The following DOCK7 variants were observed in gnomAD, a reference collection of about 807,000 sequenced individuals.
The protein encoded by DOCK7 is dedicator of cytokinesis protein 7.
A neutral mutation model predicts 271.0 loss-of-function variants in DOCK7; 138 were observed. That is an observed-to-expected ratio of 0.51 (90% confidence interval 0.44 to 0.59). DOCK7 has a LOEUF of 0.59. DOCK7 is among the 20% of genes least tolerant of loss of function. The pLI, the probability that DOCK7 is intolerant of heterozygous loss-of-function variation, is 0.00. For synonymous variants in DOCK7, 823 were observed against 876.1 expected (o/e 0.94, Z 1.07); for missense variants, 2,066 against 2,592.4 (o/e 0.80, Z 4.41).
rs527302066 is a variant in DOCK7, at chr1:62,492,529, C to A, written c.5361+175G>T. On this transcript the variant is annotated intron_variant, in intron 41 of 49. Transcript: ENST00000635253. ...TCTTGAACTCCTGGATTCAAGCAAT[C>A]CTCCCGTCTTAGCCTCTCAAAGTGC... is the stretch of plus-strand genomic sequence containing the variant. 145 of 651,898 alleles carry A rather than the reference C, an allele frequency of 2.2e-4. 1 individual carries two copies. The highest frequency in any genetic ancestry group is 2.2e-3 in the South Asian group (110 of 49,582). The allele number at this position is 651,898 out of a possible 1,614,324, so 40.4% of individuals were successfully genotyped here. A position where few individuals can be genotyped will look rare whatever the true frequency, so the allele number is the denominator to read the frequency against.
chr1:62,618,766 G>A lies in DOCK7; in HGVS notation c.1622C>T (p.Pro541Leu), dbSNP rs1170349770. 6.8e-6 allele frequency: 11 copies of A among 1,613,570 alleles called. No homozygotes were observed. The highest frequency in any genetic ancestry group is 9.3e-6 in the Non-Finnish European group (11 of 1,179,652). ...GGGAAACTCTAAGATTTCTCTGGTA[G>A]GTCTAACTCTACTGTCAGGGTAAAG... ...VKLYPDSRVR[P>L]TREILEFPAR... The change falls in exon 14 of 50, where the codon CCT (proline) becomes CTT (leucine). Residue 541 changes from proline to leucine, a missense_variant. Pro to Leu is a moderately conservative substitution (Grantham distance 98, BLOSUM62 -3). Around this residue, in one of 2 missense-constraint regions of DOCK7, gnomAD observed 1,414 missense variants for 1,670.4 expected, o/e 0.85. Transcript: ENST00000635253.
chr1:62,646,688 C>G (rs1439964301), intron 7 of DOCK7, among the ~76,000 whole-genome samples: 1 of 152,160 alleles, frequency 6.6e-6, no homozygotes. Flanking sequence ...CTAGCCTCTA[C>G]AACTCTGAGA....
chr1:62,636,605 T>C lies in DOCK7; in HGVS notation c.819-2A>G. On this transcript the variant is annotated splice_acceptor_variant, in intron 7 of 49. Transcript: ENST00000635253. LOFTEE classifies it high-confidence loss of function. ...ATGGGTTCAATTTCAATTTCAAACCTTTATGAAGAAAAAGGATAAAATAAT... is the reference window on the plus strand; with the variant it reads ...ATGGGTTCAATTTCAATTTCAAACCCTTATGAAGAAAAAGGATAAAATAAT... The C allele has an allele frequency of 6.3e-7, 1 of 1,590,378 alleles. No individual in the cohort carries two copies. Among genetic ancestry groups the C allele is most frequent in the Non-Finnish European group, 8.6e-7 (1 of 1,164,696 alleles).
chr1:62,602,136 G>T, intron 14 of DOCK7: 3 of 696,646 alleles, frequency 4.3e-6, no homozygotes, highest in South Asian at 4.0e-5. Context: ...TTAACTTTTG[G>T]GACCATAATA....
At chr1:62,641,538 T>A in intron 7 of DOCK7, 1 of 463,880 alleles carries the variant, frequency 2.2e-6, no homozygotes, top group Non-Finnish European at 4.3e-6. Context: ...GGATTGGTGT[T>A]CATCTACTTG....
intron 43 of DOCK7, chr1:62,485,300 T>C: frequency 1.0e-6 from 1 of 985,400 alleles, no homozygotes; most frequent in Non-Finnish European, 1.2e-6. Context: ...TTATTTTGCA[T>C]GGTAAAGACT....
chr1:62,494,658 A>T, intron 39 of DOCK7, 191 bp from the exon 40 acceptor site: 2 of 318,682 alleles, frequency 6.3e-6, no homozygotes, highest in East Asian at 4.2e-5. Context: ...GGATAATATC[A>T]GTTGGTGGGG....
At chr1:62,621,461 A>G (rs1458910586) in intron 12 of DOCK7, among the ~76,000 whole-genome samples, 1 of 152,116 alleles carries the variant, frequency 6.6e-6, no homozygotes, top group African/African-American at 2.4e-5. Context: ...TGTTTTATGC[A>G]TATTTCATAT....
chr1:62,594,462 T>C (rs2149517961), intron 14 of DOCK7, among the ~76,000 whole-genome samples: 1 of 152,122 alleles, frequency 6.6e-6, no homozygotes, highest in Middle Eastern at 3.4e-3. Flanking sequence ...TTGTGAGAAA[T>C]TGCACAAATT....
chr1:62,643,835 A>G (rs535017047), intron 7 of DOCK7, among the ~76,000 whole-genome samples: 1 of 152,160 alleles, frequency 6.6e-6, no homozygotes, highest in African/African-American at 2.4e-5. Context: ...TTTATCATCA[A>G]GTTCACTTAT....
rs552551090 is a variant in DOCK7, at chr1:62,589,790, T to C, written c.1683-3166A>G. Among the ~76,000 whole-genome samples, 17 of 151,526 alleles carry C rather than the reference T, an allele frequency of 1.1e-4. No individual in the cohort carries two copies. In the South Asian group the frequency reaches 3.3e-3, roughly 30 times the overall value. On this transcript the variant is annotated intron_variant, in intron 14 of 49. Coordinates refer to ENST00000635253, the MANE Select transcript of DOCK7 (RefSeq NM_001367561.1). Reference sequence around the variant, plus strand: ...CTATGAAAGAATTAAAAGTATATCATTTAATGGCGTGAACCCGGTAGGCGG... The same window carrying C: ...CTATGAAAGAATTAAAAGTATATCACTTAATGGCGTGAACCCGGTAGGCGG...
intron 1 of DOCK7, among the ~76,000 whole-genome samples, chr1:62,683,799 G>A (rs1209209935): frequency 2.6e-5 from 4 of 151,934 alleles, no homozygotes; most frequent in Non-Finnish European, 4.4e-5. Context: ...GCCAGGCACA[G>A]TGCCCATAGT....
intron 23 of DOCK7, 45 bp downstream of exon 23, chr1:62,544,902 G>A: frequency 7.0e-7 from 1 of 1,421,762 alleles, no homozygotes; most frequent in Non-Finnish European, 9.6e-7. Context: ...TGTTCTAAAG[G>A]GAAACATCAG....
chr1:62,551,560 A>G lies in DOCK7; in HGVS notation c.2766+1172T>C, dbSNP rs1571507201. On this transcript the variant is annotated intron_variant, in intron 22 of 49. Coordinates refer to ENST00000635253, the MANE Select transcript of DOCK7 (RefSeq NM_001367561.1). ...TTTCTTGAACTGCCAGGTCAATAAA[A>G]TAAGAAAAAATGAAGGGTAGCTATA... Among the ~76,000 whole-genome samples the G allele has an allele frequency of 3.3e-5, 5 of 152,236 alleles. No homozygotes were observed. The Middle Eastern group carries it at 0.017, about 518-fold the overall frequency.
chr1:62,535,187 A>G (rs1303428584), intron 29 of DOCK7, among the ~76,000 whole-genome samples: 1 of 152,244 alleles, frequency 6.6e-6, no homozygotes, highest in Non-Finnish European at 1.5e-5. Context: ...CAAAAAATCT[A>G]TCTACTAATA....
intron 4 of DOCK7, among the ~76,000 whole-genome samples, chr1:62,651,507 A>AG (rs35107877): frequency 0.57 from 81,747 of 143,042 alleles, 25,278 homozygotes; most frequent in East Asian, 0.75. Context: ...GACCTCTGTA[A>AG]GGGGGGAGCC....
chr1:62,651,427 T>A (rs1438936168), intron 4 of DOCK7, among the ~76,000 whole-genome samples: 2 of 141,640 alleles, frequency 1.4e-5, no homozygotes, highest in Non-Finnish European at 3.0e-5. Context: ...TGTGCACATG[T>A]ACCCTAGAAC....
In DOCK7 at chr1:62,533,239, T is replaced by G. The variant is rs540528915; in HGVS notation, c.3611+2254A>C. Among the ~76,000 whole-genome samples, 31 of 152,298 alleles carry G rather than the reference T, an allele frequency of 2.0e-4. No homozygotes were observed. In the East Asian group the frequency reaches 5.4e-3, roughly 27 times the overall value. On this transcript the variant is annotated intron_variant, in intron 29 of 49. Transcript: ENST00000635253. The stretch of plus-strand genomic sequence containing the variant: ...TATCTTTCTTCCAATTTTGAAATAG[T>G]AAATTTCCTTCCTTTAATAAAGCCA...
intron 21 of DOCK7, among the ~76,000 whole-genome samples, chr1:62,554,128 T>C (rs1295191357): frequency 6.6e-6 from 1 of 152,196 alleles, no homozygotes; most frequent in East Asian, 1.9e-4. Context: ...ATAGTATCTT[T>C]ATGATATACA....
Sources: allele counts gnomAD v4.1 joint callset (sites outside exome capture counted in the v4.1 genomes callset), GRCh38; gene constraint gnomAD v4.1.1; regional missense constraint gnomAD v4.1.1; transcripts MANE v1.5; gene names NCBI Gene and HGNC (gene_info 2026-07-23, HGNC 2026-07-21).